Variants in GAN observed in about 807,000 individuals in gnomAD.
GAN encodes the protein epididymis secretory sperm binding protein.
A neutral mutation model predicts 71.3 loss-of-function variants in GAN; 48 were observed. The ratio of observed to expected loss-of-function variants is 0.67; its 90% CI spans 0.53 to 0.86. The LOEUF is 0.86. GAN is among the 40% of genes least tolerant of loss of function. The pLI is 0.00. For missense variants in GAN, 928 were observed against 770.1 expected, an observed-to-expected ratio of 1.21 and a Z score of -2.43; for synonymous variants, 386 against 276.8, an observed-to-expected ratio of 1.39 and a Z score of -3.92.
In GAN at chr16:81,389,340, G is replaced by C. The variant is rs1177110467; in HGVS notation, c.*11744G>C. The stretch of plus-strand genomic sequence containing the variant: ...GTAATGGTGATACCCTTTGTTTTTT[G>C]TATCATACCTTTTGTGAATTGTGAC... On this transcript the variant is annotated 3_prime_UTR_variant, in exon 11 of 11. Transcript: ENST00000648994. 2 of 152,110 alleles carry C rather than the reference G, an allele frequency of 1.3e-5. No homozygotes were observed. The highest frequency in any genetic ancestry group is 2.9e-5 in the Non-Finnish European group (2 of 68,024). 9.4% of individuals were successfully genotyped at this position (152,110 alleles called of 1,614,324 possible). A position where few individuals can be genotyped will look rare whatever the true frequency, so the allele number is the denominator to read the frequency against.
At chr16:81,334,739 A>T (rs1462939682) in intron 1 of GAN, among the ~76,000 whole-genome samples, 1 of 152,136 alleles carries the variant, frequency 6.6e-6, no homozygotes, top group East Asian at 1.9e-4. Flanking sequence ...AGTGCAGAAA[A>T]GCTCACAACC....
In GAN at chr16:81,354,607, G is replaced by A. The variant is rs555585848; in HGVS notation, c.485G>A (p.Arg162Gln). Residue 162 changes from arginine (R) to glutamine (Q), a missense_variant, in exon 3 of 11, where the codon CGA (arginine) becomes CAA (glutamine). Arg to Gln is a conservative substitution (Grantham distance 43, BLOSUM62 1). Coordinates refer to ENST00000648994, the MANE Select transcript of GAN (RefSeq NM_022041.4). ...LATEYLETHF[R>Q]DVSSTEEFLE... is the part of the protein sequence containing the mutation. ...ACAGAATACCTGGAGACTCATTTCC[G>A]AGACGTCAGCAGCACGGAAGAATTC... 1.1e-5 allele frequency: 17 copies of A among 1,614,050 alleles called. No individual in the cohort carries two copies. Among genetic ancestry groups the A allele is most frequent in the Admixed American group, 1.7e-5 (1 of 60,020 alleles).
chr16:81,350,875 C>A (rs1272937729), intron 1 of GAN, among the ~76,000 whole-genome samples: 7 of 152,204 alleles, frequency 4.6e-5, no homozygotes, highest in African/African-American at 1.7e-4. Context: ...CATAGCATCA[C>A]AGTTTGCAAT....
intron 1 of GAN, among the ~76,000 whole-genome samples, chr16:81,326,276 G>T (rs1909383261): frequency 6.6e-6 from 1 of 152,032 alleles, no homozygotes; most frequent in Non-Finnish European, 1.5e-5. Flanking sequence ...CCAGCACTTT[G>T]GGAGGCTGAA....
At chr16:81,319,479 A>G (rs1310762043) in intron 1 of GAN, among the ~76,000 whole-genome samples, 1 of 152,088 alleles carries the variant, frequency 6.6e-6, no homozygotes, top group African/African-American at 2.4e-5. Context: ...TGAGTAATGT[A>G]TGTGAAAAGG....
intron 5 of GAN, among the ~76,000 whole-genome samples, chr16:81,359,862 G>C (rs1910614082): frequency 1.3e-5 from 2 of 152,192 alleles, no homozygotes; most frequent in Admixed American, 1.3e-4. Flanking sequence ...TACTGTAATA[G>C]TTATGTGAAT....
chr16:81,356,696 G>A (rs887394278), intron 3 of GAN, 89 bp from the exon 4 acceptor site: 2 of 931,894 alleles, frequency 2.1e-6, no homozygotes, highest in African/African-American at 1.6e-5. Context: ...TTAACAGTTT[G>A]TTTTCCATGA....
chr16:81,374,686 G>A (rs1201610766), intron 9 of GAN, among the ~76,000 whole-genome samples: 1 of 152,132 alleles, frequency 6.6e-6, no homozygotes, highest in South Asian at 2.1e-4. Context: ...TGTGGCTTCC[G>A]TGTCCTTTGA....
chr16:81,356,717 G>A (rs1173857134), intron 3 of GAN, 68 bp from the exon 4 acceptor site: 19 of 1,099,014 alleles, frequency 1.7e-5, no homozygotes, highest in Non-Finnish European at 2.5e-5. Flanking sequence ...GGTGGAAAAT[G>A]TAGATTCTAA....
chr16:81,357,876 G>T lies in GAN; in HGVS notation c.918G>T (p.Trp306Cys). The T allele has an allele frequency of 1.2e-6, 2 of 1,613,790 alleles. No homozygotes were observed. ...TCTATGACCCTAACAGGCAGCTTTG[G>T]ATCGAACTGGCCCCTTTAAGCATGC... ...CPLYDPNRQLWIELAPLSMPR... is the reference protein window; with the variant it reads ...CPLYDPNRQLCIELAPLSMPR... The change falls in exon 5 of 11, where the codon TGG becomes TGT. Residue 306 changes from tryptophan (W) to cysteine (C), a missense_variant. Trp to Cys is a radical substitution (Grantham distance 215, BLOSUM62 -2). Transcript: ENST00000648994.
chr16:81,373,562 C>T (rs934918033), intron 9 of GAN, among the ~76,000 whole-genome samples: 1 of 152,244 alleles, frequency 6.6e-6, no homozygotes, highest in Non-Finnish European at 1.5e-5. Context: ...CTTACATGAC[C>T]GTAGTACAAG....
At chr16:81,362,124 C>T (rs1336594752) in intron 5 of GAN, among the ~76,000 whole-genome samples, 1 of 152,108 alleles carries the variant, frequency 6.6e-6, no homozygotes, top group East Asian at 1.9e-4. Context: ...CTGGGTATTC[C>T]TGGGGTCTAG....
intron 1 of GAN, among the ~76,000 whole-genome samples, chr16:81,340,229 G>C (rs979564258): frequency 1.3e-5 from 2 of 152,084 alleles, no homozygotes; most frequent in African/African-American, 4.8e-5. Flanking sequence ...GTGAGCCACT[G>C]TGCCCAGCCA....
At chr16:81,320,612 T>C (rs1017214510) in intron 1 of GAN, among the ~76,000 whole-genome samples, 2 of 152,242 alleles carry the variant, frequency 1.3e-5, no homozygotes, top group Admixed American at 6.5e-5. Context: ...CGAATGATTG[T>C]CATAAGGATC....
At chr16:81,361,736 C>T (rs535775208) in intron 5 of GAN, among the ~76,000 whole-genome samples, 1 of 152,250 alleles carries the variant, frequency 6.6e-6, no homozygotes, top group East Asian at 1.9e-4. Context: ...ACTTCGTTGC[C>T]CAGGCTGGAG....
At chr16:81,332,026 T>A (rs1480715753) in intron 1 of GAN, among the ~76,000 whole-genome samples, 1 of 152,026 alleles carries the variant, frequency 6.6e-6, no homozygotes, top group East Asian at 1.9e-4. Flanking sequence ...CCGGGCATGG[T>A]GGCGCATGCC....
chr16:81,325,945 C>G (rs918472499), intron 1 of GAN, among the ~76,000 whole-genome samples: 3 of 152,212 alleles, frequency 2.0e-5, no homozygotes, highest in Non-Finnish European at 4.4e-5. Flanking sequence ...CTCTGCCTTT[C>G]TTGACTTCCT....
chr16:81,360,941 C>T (rs1460066297), intron 5 of GAN, among the ~76,000 whole-genome samples: 3 of 152,108 alleles, frequency 2.0e-5, no homozygotes, highest in African/African-American at 7.2e-5. Flanking sequence ...TTATTTGTAG[C>T]AGCCGGGCGC....
In GAN at chr16:81,356,841, T is replaced by C; in HGVS notation, c.690T>C (p.Tyr230=). 2 of 1,613,878 alleles carry C rather than the reference T, an allele frequency of 1.2e-6. No homozygotes were observed. The highest frequency in any genetic ancestry group is 1.7e-6 in the Non-Finnish European group (2 of 1,179,746). The change falls in exon 4 of 11, where the codon TAT becomes TAC. Residue 230 remains tyrosine, a synonymous_variant. Coordinates refer to ENST00000648994, the MANE Select transcript of GAN (RefSeq NM_022041.4). ...GGGTTTCAGGGTTGGACTCCAGTTATTTACGGGAACAGATGCTGAATGAAC... is the reference window on the plus strand; with the variant it reads ...GGGTTTCAGGGTTGGACTCCAGTTACTTACGGGAACAGATGCTGAATGAAC... ...ALWVSGLDSS[Y]LREQMLNEPL...
Sources: allele counts gnomAD v4.1 joint callset (sites outside exome capture counted in the v4.1 genomes callset), GRCh38; gene constraint gnomAD v4.1.1; transcripts MANE v1.5; gene names NCBI Gene and HGNC (gene_info 2026-07-23, HGNC 2026-07-21).